Variants in APOOL observed in about 807,000 individuals in gnomAD.
The protein encoded by APOOL is MICOS complex subunit MIC27.
APOOL carries 12 observed loss-of-function variants against 23.1 expected under a neutral mutation model. That is an observed-to-expected ratio of 0.52 (90% confidence interval 0.33 to 0.84). The LOEUF is 0.84. Ranked by LOEUF, APOOL falls within the 40% of genes least tolerant of loss-of-function variation. The pLI is 0.02. For missense variants in APOOL, 212 were observed against 199.6 expected, an observed-to-expected ratio of 1.06 and a Z score of -0.37; for synonymous variants, 77 against 69.9, an observed-to-expected ratio of 1.10 and a Z score of -0.51.
chrX:85,075,682 T>C (rs1923813796), intron 8 of APOOL, among the ~76,000 whole-genome samples: 1 of 111,601 alleles, frequency 9.0e-6, no homozygotes, highest in Non-Finnish European at 1.9e-5. Context: ...TTTATGAAGA[T>C]GAAACATACT....
intron 8 of APOOL, among the ~76,000 whole-genome samples, chrX:85,078,171 A>G (rs930567702): frequency 4.5e-5 from 5 of 111,998 alleles, no homozygotes; most frequent in African/African-American, 1.3e-4. Flanking sequence ...GCCCATGCCT[A>G]TGTCCTGAAT....
At position 85,043,906 on chromosome X, in the gene APOOL, G is replaced by T. The variant is rs142184202; in HGVS notation, c.16-2540G>T. On this transcript the variant is annotated intron_variant, in intron 1 of 8. Transcript: ENST00000373173. Reference sequence around the variant, plus strand: ...CTAAACTTAATTGCCTATGTACCAAGTGTAAGCCATTTTAATATAACTCCT... The same window carrying T: ...CTAAACTTAATTGCCTATGTACCAATTGTAAGCCATTTTAATATAACTCCT... Among the ~76,000 whole-genome samples the T allele has an allele frequency of 8.6e-3, 957 of 111,794 alleles. 6 individuals carry two copies. Among genetic ancestry groups the T allele is most frequent in the Middle Eastern group, 0.032 (7 of 218 alleles).
At chrX:85,015,534 G>A (rs928255759) in intron 1 of APOOL, among the ~76,000 whole-genome samples, 21 of 102,679 alleles carry the variant, frequency 2.0e-4, no homozygotes, top group Admixed American at 1.3e-3. Flanking sequence ...CTTAAGGATC[G>A]GACTTTAATA....
intron 1 of APOOL, among the ~76,000 whole-genome samples, chrX:85,024,079 T>C (rs1482521092): frequency 1.8e-5 from 2 of 111,840 alleles, no homozygotes; most frequent in Non-Finnish European, 1.9e-5. Flanking sequence ...TCTGTTTTTA[T>C]CTTTAGGCCT....
intron 2 of APOOL, among the ~76,000 whole-genome samples, chrX:85,047,232 G>T (rs771359530): frequency 1.8e-5 from 2 of 111,760 alleles, no homozygotes; most frequent in Non-Finnish European, 3.8e-5. Context: ...ATTTTAAAGC[G>T]TTTAGTAGCT....
chrX:85,021,349 G>A (rs1921658439), intron 1 of APOOL, among the ~76,000 whole-genome samples: 1 of 111,923 alleles, frequency 8.9e-6, no homozygotes, highest in Non-Finnish European at 1.9e-5. Context: ...CTCCAGGCCT[G>A]TCTCCACAGC....
At chrX:85,082,254 G>T (rs770936641) in intron 8 of APOOL, among the ~76,000 whole-genome samples, 1 of 111,489 alleles carries the variant, frequency 9.0e-6, no homozygotes, top group Non-Finnish European at 1.9e-5. Context: ...TTTGATGCTG[G>T]TGATCTAGAG....
chrX:85,032,599 A>G (rs73627318), intron 1 of APOOL, among the ~76,000 whole-genome samples: 1,896 of 111,617 alleles, frequency 0.017, 35 homozygotes, highest in African/African-American at 0.058. Context: ...TTTTCTAGTT[A>G]GATTTTTATT....
At chrX:85,066,873 A>G (rs1032686376) in intron 5 of APOOL, among the ~76,000 whole-genome samples, 1 of 110,394 alleles carries the variant, frequency 9.1e-6, no homozygotes, top group African/African-American at 3.3e-5. Context: ...AAAATCATCA[A>G]TTCCTTTTGT....
intron 6 of APOOL, among the ~76,000 whole-genome samples, chrX:85,072,615 G>A (rs762175881): frequency 9.0e-6 from 1 of 110,922 alleles, no homozygotes; most frequent in Admixed American, 9.7e-5. Flanking sequence ...TCACCAACGG[G>A]ATTTGTTAAA....
At chrX:85,042,227 GA>G (rs1406791465) in intron 1 of APOOL, among the ~76,000 whole-genome samples, 2 of 111,855 alleles carry the variant, frequency 1.8e-5, no homozygotes, top group Non-Finnish European at 3.8e-5. Context: ...CAAAACAAAA[GA>G]GAGAGAACAC....
At chrX:85,036,558 A>C (rs1922223609) in intron 1 of APOOL, among the ~76,000 whole-genome samples, 1 of 111,711 alleles carries the variant, frequency 9.0e-6, no homozygotes, top group Non-Finnish European at 1.9e-5. Flanking sequence ...TGTCAAAGGG[A>C]ATGCTTCCAG....
chrX:85,073,980 A>G lies in APOOL; in HGVS notation c.487-18A>G, dbSNP rs1255236098. 5 of 1,050,901 alleles carry G rather than the reference A, an allele frequency of 4.8e-6. No homozygotes were observed. The South Asian group carries it at 9.0e-5, about 19-fold the overall frequency. The allele number at this position is 1,050,901 out of a possible 1,213,427, so 86.6% of individuals were successfully genotyped here. On this transcript the variant is annotated intron_variant, in intron 6 of 8. Transcript: ENST00000373173. ...CTTTTAAAAATATGTTATTTGACTT[A>G]CTTTTTGTTTTAATTAGGTAACAGC... is the stretch of plus-strand genomic sequence containing the variant.
rs2147674412 is a variant in APOOL, at chrX:85,089,889, C to T, written c.*2211C>T. On this transcript the variant is annotated 3_prime_UTR_variant, in exon 9 of 9. Coordinates refer to ENST00000373173, the MANE Select transcript of APOOL (RefSeq NM_198450.6). ...GCTAATTTGCTCACTGTCAATCTTGCTGTCTCTCATTTCAGAATATGTTCT... is the reference window on the plus strand; with the variant it reads ...GCTAATTTGCTCACTGTCAATCTTGTTGTCTCTCATTTCAGAATATGTTCT... 9.3e-6 allele frequency: 1 copy of T among 107,907 alleles called. No individual in the cohort carries two copies. Among genetic ancestry groups the T allele is most frequent in the African/African-American group, 3.4e-5 (1 of 29,513 alleles). 8.9% of individuals were successfully genotyped at this position (107,907 alleles called of 1,213,427 possible).
chrX:85,052,543 T>C (rs773655059), intron 3 of APOOL, among the ~76,000 whole-genome samples: 1 of 112,132 alleles, frequency 8.9e-6, no homozygotes, highest in African/African-American at 3.2e-5. Context: ...CTATCCATTA[T>C]CTTTAAAAAG....
Position 85,087,622 on chromosome X carries a change from A to G in APOOL, c.751A>G (p.Met251Val). The G allele has an allele frequency of 8.3e-7, 1 of 1,202,640 alleles. No individual in the cohort carries two copies. Among genetic ancestry groups the G allele is most frequent in the Non-Finnish European group, 1.1e-6 (1 of 890,810 alleles). Residue 251 changes from methionine (M) to valine (V), a missense_variant, in exon 9 of 9, where the codon ATG (methionine) becomes GTG (valine). Met to Val is a conservative substitution (Grantham distance 21). Coordinates refer to ENST00000373173, the MANE Select transcript of APOOL (RefSeq NM_198450.6). ...CCAGTTTATGCCTGACCCCAAGCTC[A>G]TGGATCACGGGCAGTCCCACCCAGA... ...ATQFMPDPKL[M>V]DHGQSHPEDI...
At position 85,020,130 on chromosome X, in the gene APOOL, C is replaced by T. The variant is rs1242955049; in HGVS notation, c.15+16203C>T. The stretch of plus-strand genomic sequence containing the variant: ...AGCAGGATCGGTGATGATGATATGA[C>T]TGGTCAAAACCCTGACTCAGAGAAA... On this transcript the variant is annotated intron_variant, in intron 1 of 8. Coordinates refer to ENST00000373173, the MANE Select transcript of APOOL (RefSeq NM_198450.6). Among the ~76,000 whole-genome samples, 40 of 111,768 alleles carry T rather than the reference C, an allele frequency of 3.6e-4. 2 individuals carry two copies. The Admixed American group carries it at 3.8e-3, about 11-fold the overall frequency.
intron 1 of APOOL, among the ~76,000 whole-genome samples, chrX:85,037,202 G>A (rs902539728): frequency 2.7e-5 from 3 of 111,352 alleles, no homozygotes; most frequent in African/African-American, 9.8e-5. Context: ...CAAATCTGGA[G>A]GCATCACATT....
chrX:85,007,049 G>A (rs1294269987), intron 1 of APOOL, among the ~76,000 whole-genome samples: 1 of 111,665 alleles, frequency 9.0e-6, no homozygotes, highest in Non-Finnish European at 1.9e-5. Context: ...AGGAGGTAGA[G>A]GAGGGAGCTC....
Sources: gnomAD v4.1 joint callset for allele counts (sites outside exome capture counted in the v4.1 genomes callset) on GRCh38, gnomAD v4.1.1 for gene constraint, MANE v1.5 for transcripts, NCBI Gene and HGNC (gene_info 2026-07-23, HGNC 2026-07-21) for gene names.